Variants in SH3RF2 observed in about 807,000 individuals in gnomAD.
The protein encoded by SH3RF2 is SH3 domain containing ring finger 2.
In SH3RF2, 43 loss-of-function variants were observed where a neutral mutation model predicts 59.0. That is an observed-to-expected ratio of 0.73 (90% CI 0.57 to 0.94). The LOEUF (loss-of-function observed/expected upper bound fraction) is 0.94. Ranked by LOEUF, SH3RF2 falls within the 40% of genes least tolerant of loss-of-function variation. The probability of loss-of-function intolerance (pLI) is 0.00; values close to 1 mark genes in which losing one functional copy is unlikely to be tolerated. For synonymous variants in SH3RF2, 391 were observed against 391.5 expected (o/e 1.00, Z 0.01); for missense variants, 930 against 940.1 (o/e 0.99, Z 0.14).
At chr5:145,982,985 G>C (rs935093186) in intron 2 of SH3RF2, among the ~76,000 whole-genome samples, 1 of 152,166 alleles carries the variant, frequency 6.6e-6, no homozygotes, top group Non-Finnish European at 1.5e-5. Context: ...TTAGAGCCCA[G>C]TGACATAGCA....
At chr5:145,969,756 TACAA>T (rs1246513861) in intron 2 of SH3RF2, among the ~76,000 whole-genome samples, 1 of 151,492 alleles carries the variant, frequency 6.6e-6, no homozygotes, top group Non-Finnish European at 1.5e-5. Flanking sequence ...AAATAAAGTG[TACAA>T]ACAAATAAAT....
chr5:146,043,271 C>G (rs1379864881), intron 5 of SH3RF2: 1 of 152,298 alleles, frequency 6.6e-6, no homozygotes, highest in Non-Finnish European at 1.5e-5. Flanking sequence ...GATTGAGCCT[C>G]TGATCCATAG....
chr5:145,985,431 C>T (rs1759662569), intron 2 of SH3RF2, among the ~76,000 whole-genome samples: 1 of 152,152 alleles, frequency 6.6e-6, no homozygotes, highest in Non-Finnish European at 1.5e-5. Flanking sequence ...GGTCATTCTC[C>T]CCAAGGGCCT....
At chr5:145,991,477 C>T (rs1404253356) in intron 2 of SH3RF2, among the ~76,000 whole-genome samples, 2 of 152,192 alleles carry the variant, frequency 1.3e-5, no homozygotes, top group Non-Finnish European at 2.9e-5. Context: ...CTGCTTCCTG[C>T]TTCCCTCTGC....
chr5:146,012,565 T>A (rs1026795128), intron 4 of SH3RF2, among the ~76,000 whole-genome samples: 3 of 152,212 alleles, frequency 2.0e-5, no homozygotes, highest in Admixed American at 6.5e-5. Flanking sequence ...TATTCAGGGA[T>A]TCAACTTCTT....
exon 10 of SH3RF2, chr5:146,081,240 C>T (rs1229635055): frequency 4.0e-5 from 6 of 151,780 alleles, no homozygotes; most frequent in African/African-American, 1.5e-4. Context: ...ACTTCAATAT[C>T]TAGTACTGGA....
At chr5:146,025,480 G>A (rs540112115) in intron 5 of SH3RF2, among the ~76,000 whole-genome samples, 31 of 152,350 alleles carry the variant, frequency 2.0e-4, no homozygotes, top group South Asian at 6.2e-4. Context: ...AGGAGAAAGA[G>A]GCCCAAGTTT....
intron 5 of SH3RF2, among the ~76,000 whole-genome samples, chr5:146,028,203 C>CAG (rs1255953791): frequency 1.9e-5 from 2 of 108,092 alleles, no homozygotes; most frequent in African/African-American, 5.6e-5. Flanking sequence ...CACACACACA[C>CAG]ACACACAGAG....
At chr5:146,014,564 G>A (rs1761035059) in intron 5 of SH3RF2, among the ~76,000 whole-genome samples, 1 of 152,180 alleles carries the variant, frequency 6.6e-6, no homozygotes. Flanking sequence ...TACATTTATA[G>A]GACCCAGTCC....
At chr5:146,028,138 G>A (rs972911189) in intron 5 of SH3RF2, among the ~76,000 whole-genome samples, 4 of 145,694 alleles carry the variant, frequency 2.7e-5, no homozygotes, top group Non-Finnish European at 4.6e-5. Flanking sequence ...AGGGGACATT[G>A]ATATCCAAGG....
intron 2 of SH3RF2, among the ~76,000 whole-genome samples, chr5:145,952,405 A>G (rs1758223721): frequency 6.7e-6 from 1 of 149,116 alleles, no homozygotes; most frequent in Non-Finnish European, 1.5e-5. Context: ...AGCACTATAG[A>G]AAAAAAAACA....
chr5:145,943,398 T>A (rs185816691), intron 2 of SH3RF2, among the ~76,000 whole-genome samples: 1 of 152,238 alleles, frequency 6.6e-6, no homozygotes, highest in Admixed American at 6.5e-5. Flanking sequence ...ATATCCTGAT[T>A]GTGGTAGTAA....
Position 146,034,074 on chromosome 5 carries a change from T to C in SH3RF2, c.1060-13698T>C, listed in dbSNP as rs191588648. On this transcript the variant is annotated intron_variant, in intron 5 of 9. Transcript: ENST00000359120. ...ATACAAATAAAAATTATGTTTGTTG[T>C]AAGGATGGGCCAAAATTAGGGATTC... Among the ~76,000 whole-genome samples the C allele has an allele frequency of 4.9e-4, 75 of 152,362 alleles. 1 individual carries two copies. The Middle Eastern group carries it at 0.014, about 28-fold the overall frequency.
Position 146,054,572 on chromosome 5 carries a change from G to A in SH3RF2, c.1323-1409G>A, listed in dbSNP as rs146010953. On this transcript the variant is annotated intron_variant, in intron 7 of 9. Coordinates refer to ENST00000359120, the MANE Select transcript of SH3RF2 (RefSeq NM_152550.4). ...CTCTCTCTAATGAACAGCCGTACTCGTTTTCACTGACAACACCACCATGGG... is the reference window on the plus strand; with the variant it reads ...CTCTCTCTAATGAACAGCCGTACTCATTTTCACTGACAACACCACCATGGG... Among the ~76,000 whole-genome samples, 409 of 152,262 alleles carry A rather than the reference G, an allele frequency of 2.7e-3. 1 individual carries two copies. Among genetic ancestry groups the A allele is most frequent in the Non-Finnish European group, 4.4e-3 (296 of 68,018 alleles).
chr5:146,037,005 C>T (rs1448707234), intron 5 of SH3RF2, among the ~76,000 whole-genome samples: 3 of 152,182 alleles, frequency 2.0e-5, no homozygotes, highest in African/African-American at 7.2e-5. Context: ...GCCTTTGTAT[C>T]CTAGAGAATG....
intron 3 of SH3RF2, among the ~76,000 whole-genome samples, chr5:146,002,192 T>C (rs1760443253): frequency 6.6e-6 from 1 of 152,210 alleles, no homozygotes; most frequent in Non-Finnish European, 1.5e-5. Flanking sequence ...GGCTCACGCC[T>C]GCAATCCCAG....
intron 4 of SH3RF2, among the ~76,000 whole-genome samples, chr5:146,010,448 C>T (rs532486118): frequency 1.8e-4 from 27 of 152,310 alleles, no homozygotes; most frequent in South Asian, 6.2e-4. Flanking sequence ...CTTGAGGAAT[C>T]GCCACACCGT....
chr5:145,988,954 C>T lies in SH3RF2; in HGVS notation c.379-11104C>T, dbSNP rs561846785. Among the ~76,000 whole-genome samples, 9 of 152,246 alleles carry T rather than the reference C, an allele frequency of 5.9e-5. No homozygotes were observed. The South Asian group carries it at 1.0e-3, about 18-fold the overall frequency. On this transcript the variant is annotated intron_variant, in intron 2 of 9. Coordinates refer to ENST00000359120, the MANE Select transcript of SH3RF2 (RefSeq NM_152550.4). ...GCTCCAAAAAGATTATCACTATGAG[C>T]GAAGGAGGCACAGTGGCTTCGTTGG... is the stretch of plus-strand genomic sequence containing the variant.
At chr5:146,070,248 A>G (rs966146081) in intron 9 of SH3RF2, among the ~76,000 whole-genome samples, 3 of 152,162 alleles carry the variant, frequency 2.0e-5, no homozygotes, top group Non-Finnish European at 2.9e-5. Flanking sequence ...GCAACTATCA[A>G]CGTGGTTGAG....
Sources: gnomAD v4.1 joint callset for allele counts (sites outside exome capture counted in the v4.1 genomes callset) on GRCh38, gnomAD v4.1.1 for gene constraint, MANE v1.5 for transcripts, NCBI Gene and HGNC (gene_info 2026-07-23, HGNC 2026-07-21) for gene names.